Variants in HHAT observed in about 807,000 individuals in gnomAD.
HHAT encodes protein-cysteine N-palmitoyltransferase HHAT.
In HHAT, 47 loss-of-function variants were observed where a neutral mutation model predicts 70.8. The ratio of observed to expected loss-of-function variants is 0.66; its 90% CI spans 0.53 to 0.85. The LOEUF (loss-of-function observed/expected upper bound fraction) is 0.85, where lower values mean the gene tolerates loss of function less well. Among genes scored for constraint, HHAT ranks in the 40% least tolerant of loss-of-function variants. The pLI is 0.00. For synonymous variants in HHAT, 228 were observed against 247.6 expected, an observed-to-expected ratio of 0.92 and a Z score of 0.74; for missense variants, 609 against 604.8, an observed-to-expected ratio of 1.01 and a Z score of -0.07.
intron 11 of HHAT, among the ~76,000 whole-genome samples, chr1:210,653,726 A>T (rs1675679117): frequency 6.6e-6 from 1 of 152,090 alleles, no homozygotes; most frequent in Non-Finnish European, 1.5e-5. Flanking sequence ...TATATTATGC[A>T]TTATCTGGTC....
chr1:210,617,672 G>C (rs920845759), intron 10 of HHAT, among the ~76,000 whole-genome samples: 5 of 152,224 alleles, frequency 3.3e-5, no homozygotes, highest in African/African-American at 1.2e-4. Context: ...CTAAACTTTG[G>C]CCTCTGCAGT....
chr1:210,400,780 C>T, intron 5 of HHAT, 118 bp downstream of exon 5: 1 of 868,060 alleles, frequency 1.2e-6, no homozygotes, highest in Non-Finnish European at 1.8e-6. Context: ...GATGGGGCTC[C>T]CCATAGTGGC....
intron 2 of HHAT, among the ~76,000 whole-genome samples, chr1:210,352,154 C>T (rs1037684785): frequency 3.3e-5 from 5 of 152,140 alleles, no homozygotes; most frequent in Admixed American, 1.3e-4. Flanking sequence ...GGTTCCTTTG[C>T]GGATAGTACA....
At chr1:210,435,123 C>T (rs909454401) in intron 7 of HHAT, among the ~76,000 whole-genome samples, 1 of 151,846 alleles carries the variant, frequency 6.6e-6, no homozygotes, top group African/African-American at 2.4e-5. Context: ...TTTTCATCCT[C>T]CCCTCCTGCT....
intron 4 of HHAT, among the ~76,000 whole-genome samples, chr1:210,392,083 G>A (rs967155620): frequency 6.6e-6 from 1 of 152,110 alleles, no homozygotes; most frequent in Middle Eastern, 3.2e-3. Context: ...TGCCCAGACT[G>A]GTCTTAAACT....
chr1:210,601,305 A>T (rs915534274), intron 10 of HHAT, among the ~76,000 whole-genome samples: 2 of 152,202 alleles, frequency 1.3e-5, no homozygotes, highest in African/African-American at 4.8e-5. Flanking sequence ...AGACATACAT[A>T]TCTAGTTGGC....
At chr1:210,405,956 GTGGTTCC>G (rs2092312100) in intron 6 of HHAT, among the ~76,000 whole-genome samples, 1 of 152,192 alleles carries the variant, frequency 6.6e-6, no homozygotes, top group African/African-American at 2.4e-5. Flanking sequence ...TTTGCAAAGT[GTGGTTCC>G]TGGACCAGCA....
chr1:210,428,518 G>T (rs2093146457), intron 7 of HHAT, among the ~76,000 whole-genome samples: 1 of 150,932 alleles, frequency 6.6e-6, no homozygotes, highest in South Asian at 2.1e-4. Context: ...TAGTTGTTTT[G>T]TTCCTTAAGA....
At chr1:210,375,768 T>C (rs2090146272) in intron 3 of HHAT, among the ~76,000 whole-genome samples, 1 of 151,998 alleles carries the variant, frequency 6.6e-6, no homozygotes, top group African/African-American at 2.4e-5. Flanking sequence ...TTTGTTCTTA[T>C]ATCAAGGGTC....
intron 9 of HHAT, among the ~76,000 whole-genome samples, chr1:210,519,692 A>T (rs1181335048): frequency 1.3e-5 from 2 of 151,080 alleles, no homozygotes; most frequent in African/African-American, 2.4e-5. Flanking sequence ...ATGCCCAGCA[A>T]TTTTTTTTGT....
intron 11 of HHAT, among the ~76,000 whole-genome samples, chr1:210,671,688 G>A (rs1680111273): frequency 6.6e-6 from 1 of 152,190 alleles, no homozygotes; most frequent in Non-Finnish European, 1.5e-5. Context: ...GAAGAGGTAA[G>A]GAAGAGTTCC....
At chr1:210,479,949 G>A (rs1173240455) in intron 8 of HHAT, among the ~76,000 whole-genome samples, 8 of 152,164 alleles carry the variant, frequency 5.3e-5, no homozygotes, top group Admixed American at 4.6e-4. Context: ...CTCGGTCAAG[G>A]TACTTAACTT....
At chr1:210,660,680 G>A (rs1353066722) in intron 11 of HHAT, among the ~76,000 whole-genome samples, 1 of 152,158 alleles carries the variant, frequency 6.6e-6, no homozygotes, top group Non-Finnish European at 1.5e-5. Context: ...CAAGACTACA[G>A]TAGCCAAAAC....
chr1:210,661,802 ACAC>A (rs1254779516), intron 11 of HHAT, among the ~76,000 whole-genome samples: 1 of 151,952 alleles, frequency 6.6e-6, no homozygotes, highest in African/African-American at 2.4e-5. Flanking sequence ...ATCACCGTAA[ACAC>A]CACATGTTCT....
intron 3 of HHAT, among the ~76,000 whole-genome samples, chr1:210,379,871 A>G (rs1271961526): frequency 6.6e-6 from 1 of 152,174 alleles, no homozygotes; most frequent in East Asian, 1.9e-4. Context: ...TACTTTGGCC[A>G]TGGCTTGAGA....
In HHAT at chr1:210,633,842, C is replaced by A. The variant is rs187780474; in HGVS notation, c.1390+10172C>A. 5.8e-4 allele frequency among the ~76,000 whole-genome samples: 88 copies of A among 152,286 alleles called. 1 individual carries two copies. The highest frequency in any genetic ancestry group is 2.0e-3 in the African/African-American group (82 of 41,562). On this transcript the variant is annotated intron_variant, in intron 11 of 11. Transcript: ENST00000261458. Reference sequence around the variant, plus strand: ...CCTGGGCGCTTGCTGGCGCATGTGCCCACAGAGCCTCTCTGCGCCCTTTTG... The same window carrying A: ...CCTGGGCGCTTGCTGGCGCATGTGCACACAGAGCCTCTCTGCGCCCTTTTG...
intron 11 of HHAT, among the ~76,000 whole-genome samples, chr1:210,645,548 A>G (rs1034087816): frequency 2.0e-5 from 3 of 152,228 alleles, no homozygotes; most frequent in African/African-American, 7.2e-5. Context: ...ACTGGATAGT[A>G]TTCAACACAT....
At chr1:210,586,243 G>T (rs1660412432) in intron 9 of HHAT, among the ~76,000 whole-genome samples, 1 of 152,116 alleles carries the variant, frequency 6.6e-6, no homozygotes, top group Non-Finnish European at 1.5e-5. Context: ...AGGAGTTCAA[G>T]ACCAGCCTAG....
chr1:210,461,665 A>G (rs1365157474), intron 7 of HHAT, among the ~76,000 whole-genome samples: 2 of 152,210 alleles, frequency 1.3e-5, no homozygotes, highest in Non-Finnish European at 2.9e-5. Flanking sequence ...AGTGAAATCC[A>G]TGGTACAAAC....
Sources: allele counts gnomAD v4.1 joint callset (sites outside exome capture counted in the v4.1 genomes callset), GRCh38; gene constraint gnomAD v4.1.1; transcripts MANE v1.5; gene names NCBI Gene and HGNC (gene_info 2026-07-23, HGNC 2026-07-21).